KCNK6: variants seen among roughly 807,000 people sequenced by gnomAD.
KCNK6 encodes the protein potassium two pore domain channel subfamily K member 6.
In KCNK6, 20 loss-of-function variants were observed where a neutral mutation model predicts 21.9. The observed-to-expected ratio is 0.91, with a 90% CI of 0.64 to 1.32. The LOEUF (loss-of-function observed/expected upper bound fraction) is 1.32, where lower values mean the gene tolerates loss of function less well. KCNK6 is among the 40% of genes most tolerant of loss of function. The probability of loss-of-function intolerance (pLI) is 0.00; values close to 1 mark genes in which losing one functional copy is unlikely to be tolerated. For synonymous variants in KCNK6, 210 were observed against 218.0 expected, an observed-to-expected ratio of 0.96 and a Z score of 0.32; for missense variants, 415 against 433.1, an observed-to-expected ratio of 0.96 and a Z score of 0.37.
chr19:38,321,670 G>A (rs887861532), intron 1 of KCNK6, among the ~76,000 whole-genome samples: 2 of 152,196 alleles, frequency 1.3e-5, no homozygotes, highest in Admixed American at 1.3e-4. Context: ...CTCCTAACTC[G>A]CCCTCCCGGC....
Position 38,327,278 on chromosome 19 carries a change from C to G in KCNK6, c.817C>G (p.Pro273Ala), listed in dbSNP as rs377219898. The change falls in exon 3 of 3, where the codon CCT becomes GCT. Residue 273 changes from proline (P) to alanine (A), a missense_variant. Pro to Ala is a conservative substitution (Grantham distance 27, BLOSUM62 -1). Coordinates refer to ENST00000263372, the MANE Select transcript of KCNK6 (RefSeq NM_004823.3). Reference protein sequence around the residue: ...HGLTELILLPPPCPASFNADE... With the variant: ...HGLTELILLPAPCPASFNADE... ...CCTCACGGAGCTCATCCTGCTGCCC[C>G]CTCCGTGCCCTGCCAGTTTCAATGC... 11 of 1,613,664 alleles carry G rather than the reference C, an allele frequency of 6.8e-6. No individual in the cohort carries two copies. Among genetic ancestry groups the G allele is most frequent in the East Asian group, 4.5e-5 (2 of 44,898 alleles).
chr19:38,329,970 G>A lies in KCNK6; in HGVS notation c.*2567G>A, dbSNP rs1023232974. On this transcript the variant is annotated 3_prime_UTR_variant, in exon 3 of 3. Transcript: ENST00000263372. ...CTGAGAGAAAGAGCAGGTTTTAGCG[G>A]AGACGCTGAGGCTGCTTTAGAATAT... 6.6e-6 allele frequency: 1 copy of A among 152,450 alleles called. No homozygotes were observed. Among genetic ancestry groups the A allele is most frequent in the African/African-American group, 2.4e-5 (1 of 41,466 alleles). 9.4% of individuals were successfully genotyped at this position (152,450 alleles called of 1,614,324 possible).
At position 38,329,026 on chromosome 19, in the gene KCNK6, A is replaced by AATGT. The variant is rs1555723915; in HGVS notation, c.*1624_*1625insTGTA. Reference sequence around the variant, plus strand: ...AAGAAAGAAAAAAAGAAAAAGAAAGAAAGTAAGTCCTGGCTAACACGGTGA... The same window carrying AATGT: ...AAGAAAGAAAAAAAGAAAAAGAAAGAATGTAAGTAAGTCCTGGCTAACACGGTGA... On this transcript the variant is annotated 3_prime_UTR_variant, in exon 3 of 3. Coordinates refer to ENST00000263372, the MANE Select transcript of KCNK6 (RefSeq NM_004823.3). The AATGT allele has an allele frequency of 6.7e-6, 1 of 150,036 alleles. No individual in the cohort carries two copies. Among genetic ancestry groups the AATGT allele is most frequent in the Non-Finnish European group, 1.5e-5 (1 of 67,798 alleles). 9.3% of individuals were successfully genotyped at this position (150,036 alleles called of 1,614,324 possible). A position where few individuals can be genotyped will look rare whatever the true frequency, so the allele number is the denominator to read the frequency against.
intron 1 of KCNK6, 136 bp from the exon 2 acceptor site, chr19:38,326,456 TG>T: frequency 1.0e-6 from 1 of 983,936 alleles, no homozygotes; most frequent in Non-Finnish European, 1.5e-6. Flanking sequence ...GAGGCTGAGG[TG>T]GTAGGATCAC....
chr19:38,328,073 G>A lies in KCNK6; in HGVS notation c.*670G>A, dbSNP rs1249513972. The A allele has an allele frequency of 1.3e-5, 2 of 152,950 alleles. No individual in the cohort carries two copies. Among genetic ancestry groups the A allele is most frequent in the Non-Finnish European group, 2.9e-5 (2 of 68,630 alleles). 9.5% of individuals were successfully genotyped at this position (152,950 alleles called of 1,614,324 possible). On this transcript the variant is annotated 3_prime_UTR_variant, in exon 3 of 3. Coordinates refer to ENST00000263372, the MANE Select transcript of KCNK6 (RefSeq NM_004823.3). The stretch of plus-strand genomic sequence containing the variant: ...TAATGGAGGAGGTGAGGTGTTGAAA[G>A]CACAGGCAGAGTGGTCAGGGCTGAA...
intron 1 of KCNK6, 112 bp downstream of exon 1, chr19:38,320,384 C>G: frequency 8.7e-7 from 1 of 1,150,942 alleles, no homozygotes; most frequent in Non-Finnish European, 1.2e-6. Context: ...CCCCTCTGGG[C>G]TTCGGATCCC....
At position 38,326,936 on chromosome 19, in the gene KCNK6, C is replaced by T. The variant is rs139677348; in HGVS notation, c.666C>T (p.Pro222=). The T allele has an allele frequency of 2.0e-4, 316 of 1,609,020 alleles. 1 individual carries two copies. Among genetic ancestry groups the T allele is most frequent in the Non-Finnish European group, 2.3e-4 (277 of 1,179,944 alleles). The change falls in exon 2 of 3, where the codon CCC becomes CCT. Residue 222 remains proline (P), a synonymous_variant. Transcript: ENST00000263372. ...LSTIGLGDYV[P]GEAPGQPYRA... ...CCATCGGCCTGGGCGACTACGTGCC[C>T]GGGGAGGCCCCTGGCCAGCCCTACC...
At position 38,320,175 on chromosome 19, in the gene KCNK6, C is replaced by A. The variant is rs769555519; in HGVS notation, c.225C>A (p.Val75=). The change falls in exon 1 of 3, where the codon GTC becomes GTA. Residue 75 remains valine (V), a synonymous_variant. Transcript: ENST00000263372. ...RVLAAGRLGR[V]VLANASGSAN... ...TGGCGGCCGGACGGCTGGGGCGGGT[C>A]GTGCTTGCTAACGCTTCGGGGTCCG... The A allele has an allele frequency of 1.5e-5, 24 of 1,598,956 alleles. No individual in the cohort carries two copies. In the African/African-American group the frequency reaches 2.5e-4, roughly 17 times the overall value.
At chr19:38,322,856 G>C (rs144522878) in intron 1 of KCNK6, among the ~76,000 whole-genome samples, 1 of 147,184 alleles carries the variant, frequency 6.8e-6, no homozygotes, top group African/African-American at 2.5e-5. Flanking sequence ...CTCACGCCTG[G>C]AATCCCAGCA....
chr19:38,319,958 G>A lies in KCNK6; in HGVS notation c.8G>A (p.Arg3Lys). 6.9e-7 allele frequency: 1 copy of A among 1,451,986 alleles called. No homozygotes were observed. The allele number at this position is 1,451,986 out of a possible 1,614,324, so 89.9% of individuals were successfully genotyped here. The stretch of plus-strand genomic sequence containing the variant: ...GGGGTCCCGGTGGGTGCCATGCGGA[G>A]GGGCGCGCTTCTGGCGGGCGCCTTG... MR[R>K]GALLAGALAA... The change falls in exon 1 of 3, where the codon AGG becomes AAG. Residue 3 changes from arginine (R) to lysine (K), a missense_variant. Transcript: ENST00000263372.
At chr19:38,326,509 C>G in intron 1 of KCNK6, 84 bp from the exon 2 acceptor site, 1 of 1,453,606 alleles carries the variant, frequency 6.9e-7, no homozygotes, top group South Asian at 1.3e-5. Context: ...TATGATGGCA[C>G]CGCTGCACTC....
At position 38,326,681 on chromosome 19, in the gene KCNK6, G is replaced by T; in HGVS notation, c.411G>T (p.Leu137=). 1 of 1,607,300 alleles carries T rather than the reference G, an allele frequency of 6.2e-7. No individual in the cohort carries two copies. ...ALLGVPTTML[L]LTASAQRLSL... ...TGGGCGTGCCGACCACCATGCTGCT[G>T]CTGACCGCCTCAGCCCAGCGCCTGT... Residue 137 remains leucine (L), a synonymous_variant, in exon 2 of 3, where the codon CTG becomes CTT. Transcript: ENST00000263372.
intron 1 of KCNK6, among the ~76,000 whole-genome samples, chr19:38,322,229 C>T (rs1338332651): frequency 6.6e-6 from 1 of 152,144 alleles, no homozygotes; most frequent in Non-Finnish European, 1.5e-5. Context: ...GCCAACACAC[C>T]ACACTACTTA....
rs1969749740 is a variant in KCNK6 at position 38,329,377 on chromosome 19, AC to A, written c.*1978del. On this transcript the variant is annotated 3_prime_UTR_variant, in exon 3 of 3. Transcript: ENST00000263372. ...AGACAAGCCTGGCCAACATAGCAAG[AC>A]CCCATCTCTACAAAAATAAAAATTT... The A allele has an allele frequency of 6.6e-6, 1 of 152,010 alleles. No homozygotes were observed. The highest frequency in any genetic ancestry group is 1.5e-5 in the Non-Finnish European group (1 of 68,062). 9.4% of individuals were successfully genotyped at this position (152,010 alleles called of 1,614,324 possible).
At chr19:38,320,908 CT>C (rs1263935372) in intron 1 of KCNK6, among the ~76,000 whole-genome samples, 1 of 152,134 alleles carries the variant, frequency 6.6e-6, no homozygotes, top group Non-Finnish European at 1.5e-5. Context: ...GTCCAGCCCC[CT>C]CTAAGCCTAG....
rs1158853638 is a variant in KCNK6 at position 38,328,645 on chromosome 19, G to A, written c.*1242G>A. 1.3e-5 allele frequency: 2 copies of A among 152,052 alleles called. No homozygotes were observed. Among genetic ancestry groups the A allele is most frequent in the African/African-American group, 2.4e-5 (1 of 41,398 alleles). 9.4% of individuals were successfully genotyped at this position (152,052 alleles called of 1,614,324 possible). A position where few individuals can be genotyped will look rare whatever the true frequency, so the allele number is the denominator to read the frequency against. On this transcript the variant is annotated 3_prime_UTR_variant, in exon 3 of 3. Transcript: ENST00000263372. ...GCTTGAGGCCAGGAGTTTGAGACTA[G>A]CCTAGGCAACACAGTGAGGCCTTAT...
chr19:38,325,749 C>T (rs559739230), intron 1 of KCNK6, among the ~76,000 whole-genome samples: 17 of 152,278 alleles, frequency 1.1e-4, no homozygotes, highest in Admixed American at 1.0e-3. Flanking sequence ...AAGGAACAAC[C>T]AGTGCAATGG....
In KCNK6 at chr19:38,330,751, G is replaced by A. The variant is rs948928890; in HGVS notation, c.*3348G>A. 2.0e-5 allele frequency: 3 copies of A among 152,358 alleles called. No individual in the cohort carries two copies. The highest frequency in any genetic ancestry group is 3.9e-4 in the East Asian group (2 of 5,194). 9.4% of individuals were successfully genotyped at this position (152,358 alleles called of 1,614,324 possible). ...CTACATTTTACAGATGGGGGAAGGA[G>A]GTCCAGAGATGTTAAATACTTGCCC... On this transcript the variant is annotated 3_prime_UTR_variant, in exon 3 of 3. Coordinates refer to ENST00000263372, the MANE Select transcript of KCNK6 (RefSeq NM_004823.3).
chr19:38,327,002 C>T lies in KCNK6; in HGVS notation c.718+14C>T, dbSNP rs768069410. 2 of 1,589,448 alleles carry T rather than the reference C, an allele frequency of 1.3e-6. No individual in the cohort carries two copies. The highest frequency in any genetic ancestry group is 4.5e-5 in the East Asian group (2 of 44,822). On this transcript the variant is annotated intron_variant, in intron 2 of 2. Coordinates refer to ENST00000263372, the MANE Select transcript of KCNK6 (RefSeq NM_004823.3). ...TGCTGGTCACAGGTGAGCTGGGTGG[C>T]TAGGGCAGGGCTTTGAGGAGGACCT...
Sources: allele counts gnomAD v4.1 joint callset (sites outside exome capture counted in the v4.1 genomes callset), GRCh38; gene constraint gnomAD v4.1.1; transcripts MANE v1.5; gene names NCBI Gene and HGNC (gene_info 2026-07-23, HGNC 2026-07-21).